Variants in PDE3B observed in about 807,000 individuals in gnomAD.
The protein encoded by PDE3B is phosphodiesterase 3B.
Under a neutral mutation model 116.8 loss-of-function variants are expected in PDE3B, and 66 were observed. The ratio of observed to expected loss-of-function variants is 0.56; its 90% CI spans 0.46 to 0.69. The LOEUF (loss-of-function observed/expected upper bound fraction) is 0.69, where lower values mean the gene tolerates loss of function less well. Among genes scored for constraint, PDE3B ranks in the 30% least tolerant of loss-of-function variants. The pLI, the probability that PDE3B is intolerant of heterozygous loss-of-function variation, is 0.00. For missense variants in PDE3B, 1,384 were observed against 1,368.1 expected (o/e 1.01, Z -0.18); for synonymous variants, 595 against 533.6 (o/e 1.12, Z -1.59).
the PDE3B span, chr11:14,886,775 C>G: frequency 6.6e-6 from 1 of 152,226 alleles, no homozygotes; most frequent in Non-Finnish European, 1.5e-5. Flanking sequence ...AAGCCTTATC[C>G]CTGTGCAAAC....
At chr11:14,807,635 A>C (rs1220048505) in intron 5 of PDE3B, among the ~76,000 whole-genome samples, 2 of 152,240 alleles carry the variant, frequency 1.3e-5, no homozygotes, top group African/African-American at 4.8e-5. Flanking sequence ...GATTAAACAC[A>C]CTTTATTACA....
intron 7 of PDE3B, among the ~76,000 whole-genome samples, chr11:14,828,969 A>G (rs1344071432): frequency 6.6e-6 from 1 of 152,224 alleles, no homozygotes; most frequent in Non-Finnish European, 1.5e-5. Context: ...ACCATGGAAT[A>G]CTATGCAGCC....
rs1356189385 is a variant in PDE3B at position 14,644,783 on chromosome 11, C to A, written c.708C>A (p.Ser236Arg). The A allele has an allele frequency of 1.9e-6, 3 of 1,609,252 alleles. No homozygotes were observed. In the African/African-American group the frequency reaches 4.0e-5, roughly 21 times the overall value. ...TCGTCTGGTGGGTCTCCTTCACCAG[C>A]CTCGGGTCGCTGCCCTCCGCCCTCA... is the stretch of plus-strand genomic sequence containing the variant. Reference protein sequence around the residue: ...ASFVWWVSFTSLGSLPSALRP... With the variant: ...ASFVWWVSFTRLGSLPSALRP... Residue 236 changes from serine (S) to arginine (R), a missense_variant, in exon 1 of 16, where the codon AGC (serine) becomes AGA (arginine). Physicochemically the swap from Ser to Arg is moderately radical, Grantham distance 110 (BLOSUM62 -1). Around this residue, in one of 2 missense-constraint regions of PDE3B, gnomAD observed 956 missense variants for 806.8 expected, o/e 1.18. Coordinates refer to ENST00000282096, the MANE Select transcript of PDE3B (RefSeq NM_000922.4).
rs565029509 is a variant in PDE3B at position 14,665,931 on chromosome 11, A to G, written c.978+20878A>G. Reference sequence around the variant, plus strand: ...TTTCTTCACAGAATTGGAAAAAGCTACTTTAAAGTTCATATGGAATGAAAA... The same window carrying G: ...TTTCTTCACAGAATTGGAAAAAGCTGCTTTAAAGTTCATATGGAATGAAAA... On this transcript the variant is annotated intron_variant, in intron 1 of 15. Transcript: ENST00000282096. Among the ~76,000 whole-genome samples the G allele has an allele frequency of 1.9e-3, 292 of 152,332 alleles. 1 individual carries two copies. Among genetic ancestry groups the G allele is most frequent in the African/African-American group, 6.3e-3 (260 of 41,566 alleles).
At chr11:14,665,753 C>T (rs1472681689) in intron 1 of PDE3B, among the ~76,000 whole-genome samples, 1 of 152,146 alleles carries the variant, frequency 6.6e-6, no homozygotes, top group African/African-American at 2.4e-5. Context: ...TCAAGGAGAA[C>T]TACAAACCAC....
intron 11 of PDE3B, among the ~76,000 whole-genome samples, chr11:14,838,249 G>A (rs1352048539): frequency 6.6e-6 from 1 of 152,020 alleles, no homozygotes; most frequent in Non-Finnish European, 1.5e-5. Context: ...AAAGTGCTGG[G>A]ATTATAGGTG....
At chr11:14,723,019 T>C (rs1038829781) in intron 1 of PDE3B, among the ~76,000 whole-genome samples, 1 of 152,236 alleles carries the variant, frequency 6.6e-6, no homozygotes, top group Non-Finnish European at 1.5e-5. Flanking sequence ...AATTAAGTAT[T>C]TTCACTAGCC....
At chr11:14,726,376 T>C (rs1856306698) in intron 1 of PDE3B, among the ~76,000 whole-genome samples, 1 of 152,210 alleles carries the variant, frequency 6.6e-6, no homozygotes, top group Non-Finnish European at 1.5e-5. Flanking sequence ...ATGCCTGGTA[T>C]ATAATATGTG....
At chr11:14,897,743 T>G in the PDE3B span, among the ~76,000 whole-genome samples, 9 of 152,136 alleles carry the variant, frequency 5.9e-5, no homozygotes, top group Admixed American at 3.3e-4. Context: ...GTCAGACTTT[T>G]CACAGGAATA....
intron 1 of PDE3B, among the ~76,000 whole-genome samples, chr11:14,733,952 T>C (rs768375635): frequency 1.3e-5 from 2 of 152,242 alleles, no homozygotes; most frequent in African/African-American, 2.4e-5. Flanking sequence ...TTGAAAATTA[T>C]TGGCTAACAT....
chr11:14,776,729 C>G (rs1304770657), intron 2 of PDE3B: 2 of 151,562 alleles, frequency 1.3e-5, no homozygotes, highest in Admixed American at 6.6e-5. Flanking sequence ...AATTGTCATC[C>G]AAACCACAGC....
At position 14,867,699 on chromosome 11, in the gene PDE3B, A is replaced by G. The variant is rs782796248; in HGVS notation, c.3080A>G (p.Asp1027Gly). Residue 1027 changes from aspartate (D) to glycine (G), a missense_variant, in exon 15 of 16, where the codon GAT (aspartate) becomes GGT (glycine). Asp to Gly is a moderately conservative substitution (Grantham distance 94). Coordinates refer to ENST00000282096, the MANE Select transcript of PDE3B (RefSeq NM_000922.4). ...EEDNDTESGD[D>G]EDGEELDTED... ...GATAATGATACTGAAAGTGGTGATG[A>G]TGAAGACGGTGAAGAATTAGATACA... 3 of 1,613,452 alleles carry G rather than the reference A, an allele frequency of 1.9e-6. No homozygotes were observed. Among genetic ancestry groups the G allele is most frequent in the Non-Finnish European group, 2.5e-6 (3 of 1,179,494 alleles).
chr11:14,744,539 T>A (rs1199814870), intron 1 of PDE3B, among the ~76,000 whole-genome samples: 2 of 152,218 alleles, frequency 1.3e-5, no homozygotes, highest in African/African-American at 4.8e-5. Context: ...ATTTTATTAT[T>A]TTTGATGCCA....
intron 1 of PDE3B, among the ~76,000 whole-genome samples, chr11:14,746,114 A>G (rs1321868845): frequency 6.6e-6 from 1 of 152,240 alleles, no homozygotes; most frequent in Non-Finnish European, 1.5e-5. Context: ...TGTCTTGGCC[A>G]GGTGCCACCG....
chr11:14,811,000 C>G (rs1009609417), intron 5 of PDE3B, among the ~76,000 whole-genome samples: 106 of 151,946 alleles, frequency 7.0e-4, no homozygotes, highest in African/African-American at 2.2e-3. Flanking sequence ...CCTTTGCCCA[C>G]TTGTTGATGG....
At position 14,786,632 on chromosome 11, in the gene PDE3B, C is replaced by T. The variant is rs148639185; in HGVS notation, c.1225C>T (p.Pro409Ser). Residue 409 changes from proline to serine, a missense_variant, in exon 3 of 16, where the codon CCC becomes TCC. By Grantham distance (74) the Pro-to-Ser change is moderately conservative. Transcript: ENST00000282096. ...NPLTPFPGFY[P>S]CSEIEDPAEK... ...TCTCACACCATTTCCTGGATTTTAC[C>T]CCTGTTCTGAAATAGAGGACCCAGC... 16 of 1,612,388 alleles carry T rather than the reference C, an allele frequency of 9.9e-6. No individual in the cohort carries two copies. Among genetic ancestry groups the T allele is most frequent in the Non-Finnish European group, 1.4e-5 (16 of 1,178,778 alleles).
At chr11:14,715,556 CTGTT>C (rs1158860802) in intron 1 of PDE3B, among the ~76,000 whole-genome samples, 9 of 152,120 alleles carry the variant, frequency 5.9e-5, no homozygotes, top group African/African-American at 1.2e-4. Flanking sequence ...ATTTGGCTCT[CTGTT>C]TGTGTGTTAT....
At chr11:14,691,768 G>A (rs1855046542) in intron 1 of PDE3B, among the ~76,000 whole-genome samples, 1 of 152,148 alleles carries the variant, frequency 6.6e-6, no homozygotes, top group African/African-American at 2.4e-5. Context: ...ATAAGGGAGA[G>A]TAAGGCGACA....
At chr11:14,666,061 C>G (rs1854133683) in intron 1 of PDE3B, among the ~76,000 whole-genome samples, 2 of 151,990 alleles carry the variant, frequency 1.3e-5, no homozygotes, top group African/African-American at 4.8e-5. Context: ...ACCAAAACAG[C>G]ATGGTACTGG....
Sources: allele counts gnomAD v4.1 joint callset (sites outside exome capture counted in the v4.1 genomes callset), GRCh38; gene constraint gnomAD v4.1.1; regional missense constraint gnomAD v4.1.1; transcripts MANE v1.5; gene names NCBI Gene and HGNC (gene_info 2026-07-23, HGNC 2026-07-21).